The following ADGRL3 variants were observed in gnomAD, a reference collection of about 807,000 sequenced individuals.
ADGRL3 encodes calcium-independent alpha-latrotoxin receptor 3.
A neutral mutation model predicts 153.5 loss-of-function variants in ADGRL3; 62 were observed. That is an observed-to-expected ratio of 0.40 (90% CI 0.33 to 0.50). The LOEUF (loss-of-function observed/expected upper bound fraction) is 0.50, where lower values mean the gene tolerates loss of function less well. Ranked by LOEUF, ADGRL3 falls within the 20% of genes least tolerant of loss-of-function variation. The pLI is 0.47. For missense variants in ADGRL3, 1,641 were observed against 1,859.4 expected (o/e 0.88, Z 2.16); for synonymous variants, 710 against 672.5 (o/e 1.06, Z -0.86).
intron 1 of ADGRL3, among the ~76,000 whole-genome samples, chr4:61,303,798 A>T (rs2094669870): frequency 6.6e-6 from 1 of 152,224 alleles, no homozygotes; most frequent in Non-Finnish European, 1.5e-5. Context: ...CAGTTTGATT[A>T]CTTCATTCTA....
chr4:61,518,626 T>G (rs539391551), intron 4 of ADGRL3, among the ~76,000 whole-genome samples: 1 of 152,296 alleles, frequency 6.6e-6, no homozygotes, highest in Middle Eastern at 3.4e-3. Flanking sequence ...ATGTGTAACT[T>G]TGCATTCACC....
chr4:61,773,301 A>G (rs1471557173), intron 8 of ADGRL3, among the ~76,000 whole-genome samples: 3 of 152,350 alleles, frequency 2.0e-5, no homozygotes, highest in South Asian at 2.1e-4. Flanking sequence ...AATATACTAA[A>G]TCAAATATTG....
chr4:61,599,181 G>A (rs1651048759), intron 5 of ADGRL3, among the ~76,000 whole-genome samples: 1 of 152,146 alleles, frequency 6.6e-6, no homozygotes, highest in Non-Finnish European at 1.5e-5. Context: ...AAATGCTATG[G>A]CCTAATGCTA....
chr4:61,322,249 C>A (rs1041057850), intron 1 of ADGRL3, among the ~76,000 whole-genome samples: 10 of 152,180 alleles, frequency 6.6e-5, no homozygotes, highest in African/African-American at 2.4e-4. Flanking sequence ...AGTCATCTCC[C>A]AACGGGTCCC....
Position 61,529,923 on chromosome 4 carries a change from C to G in ADGRL3, c.259+12405C>G, listed in dbSNP as rs372160574. ...AGAATTGAATATGTTAAATGAAGGG[C>G]TTTGAAATCACTACATGTGGCTTTA... On this transcript the variant is annotated intron_variant, in intron 4 of 26. Transcript: ENST00000683033. Among the ~76,000 whole-genome samples the G allele has an allele frequency of 3.3e-5, 5 of 152,178 alleles. No homozygotes were observed. The East Asian group carries it at 5.8e-4, about 18-fold the overall frequency.
chr4:61,764,648 G>C (rs201625387), intron 8 of ADGRL3, among the ~76,000 whole-genome samples: 3 of 152,122 alleles, frequency 2.0e-5, no homozygotes, highest in African/African-American at 7.2e-5. Flanking sequence ...TGGGCTTATA[G>C]GTGCAGGTCA....
intron 11 of ADGRL3, among the ~76,000 whole-genome samples, chr4:61,899,729 G>A (rs958114819): frequency 1.1e-4 from 16 of 152,120 alleles, no homozygotes; most frequent in African/African-American, 3.4e-4. Context: ...CTATGGTTCT[G>A]GAGGCTGGAA....
intron 8 of ADGRL3, among the ~76,000 whole-genome samples, chr4:61,756,990 A>C (rs1321909796): frequency 5.9e-5 from 9 of 152,162 alleles, no homozygotes; most frequent in African/African-American, 2.2e-4. Flanking sequence ...ATGGTGGATA[A>C]GCTTTTTGGT....
chr4:61,831,411 TAAAAAAAAA>T (rs1166970099), intron 9 of ADGRL3, among the ~76,000 whole-genome samples: 30 of 37,298 alleles, frequency 8.0e-4, no homozygotes, highest in East Asian at 8.8e-4. Context: ...AGATGCTAAG[TAAAAAAAAA>T]AAAAAAAAAA....
At chr4:61,749,692 C>T (rs996287435) in intron 8 of ADGRL3, among the ~76,000 whole-genome samples, 14 of 151,886 alleles carry the variant, frequency 9.2e-5, no homozygotes, top group African/African-American at 3.1e-4. Flanking sequence ...GAGAACATCA[C>T]ACTCTCGGGA....
At chr4:61,961,082 A>T (rs1160371310) in intron 17 of ADGRL3, among the ~76,000 whole-genome samples, 2 of 152,152 alleles carry the variant, frequency 1.3e-5, no homozygotes, top group East Asian at 3.9e-4. Flanking sequence ...TTTTGAGATC[A>T]GTTAGCATAT....
intron 4 of ADGRL3, among the ~76,000 whole-genome samples, chr4:61,555,491 T>C (rs2098761085): frequency 6.6e-6 from 1 of 152,160 alleles, no homozygotes; most frequent in Admixed American, 6.5e-5. Flanking sequence ...ATGCACACTA[T>C]GCTCTCAGAG....
chr4:62,020,452 C>A (rs1466573318), intron 21 of ADGRL3, among the ~76,000 whole-genome samples: 2 of 151,764 alleles, frequency 1.3e-5, no homozygotes, highest in Non-Finnish European at 2.9e-5. Context: ...CAAAAGTGAA[C>A]CAGGAAACAT....
At chr4:61,403,084 C>T (rs764814323) in intron 2 of ADGRL3, among the ~76,000 whole-genome samples, 11 of 151,640 alleles carry the variant, frequency 7.3e-5, no homozygotes, top group Non-Finnish European at 1.5e-4. Context: ...CGGGAACTCT[C>T]TGGTGTCTCT....
chr4:61,790,353 C>T (rs564344362), intron 8 of ADGRL3, among the ~76,000 whole-genome samples: 2 of 152,200 alleles, frequency 1.3e-5, no homozygotes, highest in South Asian at 4.2e-4. Context: ...GTATAGTAGG[C>T]CTGCCCTTAT....
intron 4 of ADGRL3, among the ~76,000 whole-genome samples, chr4:61,568,455 A>G (rs1187849147): frequency 1.3e-5 from 2 of 152,084 alleles, no homozygotes; most frequent in African/African-American, 2.4e-5. Context: ...TACCCCCACT[A>G]TGGTACAGAA....
intron 5 of ADGRL3, among the ~76,000 whole-genome samples, chr4:61,609,193 A>C (rs1055365295): frequency 6.6e-6 from 1 of 152,138 alleles, no homozygotes; most frequent in Non-Finnish European, 1.5e-5. Flanking sequence ...TACATGAAAA[A>C]GATATCTGAG....
At chr4:61,824,837 G>A (rs777089745) in intron 9 of ADGRL3, among the ~76,000 whole-genome samples, 4 of 152,028 alleles carry the variant, frequency 2.6e-5, no homozygotes, top group Non-Finnish European at 4.4e-5. Flanking sequence ...AATTATATTC[G>A]GTAATCCTTG....
intron 5 of ADGRL3, among the ~76,000 whole-genome samples, chr4:61,644,734 G>A (rs114282231): frequency 0.026 from 4,025 of 152,206 alleles, 128 homozygotes; most frequent in East Asian, 0.18. Flanking sequence ...AATAGGTGTG[G>A]TTTGGTGCTG....
Sources: allele counts gnomAD v4.1 joint callset (sites outside exome capture counted in the v4.1 genomes callset), GRCh38; gene constraint gnomAD v4.1.1; transcripts MANE v1.5; gene names NCBI Gene and HGNC (gene_info 2026-07-23, HGNC 2026-07-21).